Variants in SP110 observed in about 807,000 individuals in gnomAD.
SP110 encodes the protein interferon-induced protein 41, 30kD.
A neutral mutation model predicts 92.7 loss-of-function variants in SP110; 62 were observed. The ratio of observed to expected loss-of-function variants is 0.67; its 90% CI spans 0.55 to 0.83. The LOEUF is 0.83. SP110 is among the 40% of genes least tolerant of loss of function. The probability of loss-of-function intolerance (pLI) is 0.00; values close to 1 mark genes in which losing one functional copy is unlikely to be tolerated. For synonymous variants in SP110, 273 were observed against 305.3 expected (o/e 0.89, Z 1.10); for missense variants, 793 against 863.9 (o/e 0.92, Z 1.03).
chr2:230,209,790 A>T (rs2044268907), intron 7 of SP110, 141 bp downstream of exon 7: 25 of 710,238 alleles, frequency 3.5e-5, no homozygotes, highest in South Asian at 3.2e-4. Context: ...AGATGCAGCA[A>T]ATGGAAACTG....
At position 230,219,363 on chromosome 2, in the gene SP110, A is replaced by C. The variant is rs186519545; in HGVS notation, c.-2+511T>G. ...TGAGTGGGAAGGTCAACAGGTCCAA[A>C]TGTTCTGAAGGCTGATTTAGTAATC... On this transcript the variant is annotated intron_variant, in intron 1 of 18. Transcript: ENST00000258381. 3.3e-5 allele frequency among the ~76,000 whole-genome samples: 5 copies of C among 152,366 alleles called. No individual in the cohort carries two copies. The East Asian group carries it at 7.7e-4, about 23-fold the overall frequency.
At chr2:230,173,692 G>A (rs1234991048) in intron 14 of SP110, 2 of 151,532 alleles carry the variant, frequency 1.3e-5, no homozygotes, top group Non-Finnish European at 2.9e-5. Flanking sequence ...TCTTAGGCTT[G>A]GAAAGAATGA....
Position 230,170,564 on chromosome 2 carries a change from C to T in SP110, c.2028+57G>A, listed in dbSNP as rs1324087749. ...GTAATACTTGCAAAATTCTGCTGTC[C>T]CAGAAATTAGGGGAAAGTAGAAAAG... On this transcript the variant is annotated intron_variant, in intron 18 of 18. Coordinates refer to ENST00000258381, the MANE Select transcript of SP110 (RefSeq NM_080424.4). 3.7e-6 allele frequency: 6 copies of T among 1,603,898 alleles called. No individual in the cohort carries two copies. The East Asian group carries it at 1.1e-4, about 30-fold the overall frequency.
upstream of SP110, among the ~76,000 whole-genome samples, chr2:230,222,525 C>T (rs762877236): frequency 1.3e-5 from 2 of 152,046 alleles, no homozygotes; most frequent in Non-Finnish European, 2.9e-5. Context: ...TTGAGACCAG[C>T]CTGGACAACA....
In SP110 at chr2:230,165,583, A is replaced by C. The variant is rs2078299151; in HGVS notation, c.*3541T>G. ...AGAATAAACATTATAGAGTAAAAGC[A>C]AAAAAATTAATACTAATTCATGTCT... On this transcript the variant is annotated 3_prime_UTR_variant, in exon 19 of 19. Coordinates refer to ENST00000258381, the MANE Select transcript of SP110 (RefSeq NM_080424.4). Among the ~76,000 whole-genome samples the C allele has an allele frequency of 1.3e-5, 2 of 151,272 alleles. No homozygotes were observed. Among genetic ancestry groups the C allele is most frequent in the Admixed American group, 1.3e-4 (2 of 15,278 alleles).
At chr2:230,173,164 G>A (rs142985740) in intron 14 of SP110, 488 of 546,798 alleles carry the variant, frequency 8.9e-4, no homozygotes, top group African/African-American at 8.2e-3. Context: ...GGTGACCGCC[G>A]CCACCAGGAC....
At chr2:230,220,042 G>A (rs1574819039), upstream of SP110, 2 of 985,564 alleles carry the variant, frequency 2.0e-6, no homozygotes, top group Non-Finnish European at 1.2e-6. Flanking sequence ...GAAAGTTTTC[G>A]GAGTTTGCCA....
In SP110 at chr2:230,211,759, T is replaced by A. The variant is rs1179173487; in HGVS notation, c.668-206A>T. Among the ~76,000 whole-genome samples, 2 of 152,172 alleles carry A rather than the reference T, an allele frequency of 1.3e-5. No homozygotes were observed. Among genetic ancestry groups the A allele is most frequent in the Admixed American group, 1.3e-4 (2 of 15,286 alleles). On this transcript the variant is annotated intron_variant, in intron 5 of 18. Transcript: ENST00000258381. This position sits in a 1 kb window ranked among gnomAD's most constrained non-coding sequence, Gnocchi z 4.2. ...TCTTCCATTGCTGTTAGCTTCCTGA[T>A]TATGTTAACCTTTTTGGATGGTAGG... is the stretch of plus-strand genomic sequence containing the variant.
At chr2:230,220,936 C>G (rs2045760189), upstream of SP110, among the ~76,000 whole-genome samples, 1 of 152,016 alleles carries the variant, frequency 6.6e-6, no homozygotes, top group African/African-American at 2.4e-5. Flanking sequence ...TGCTTGAGCC[C>G]AGGAGTTCAA....
rs1015216068 is a variant in SP110, at chr2:230,207,535, T to C, written c.898+456A>G. On this transcript the variant is annotated intron_variant, in intron 8 of 18. Coordinates refer to ENST00000258381, the MANE Select transcript of SP110 (RefSeq NM_080424.4). ...AACCTCTAAAGGAACAGGTCAATAATTGAACTCTAAGAGTTATCCCCCAAT... is the reference window on the plus strand; with the variant it reads ...AACCTCTAAAGGAACAGGTCAATAACTGAACTCTAAGAGTTATCCCCCAAT... 5.3e-5 allele frequency among the ~76,000 whole-genome samples: 8 copies of C among 152,324 alleles called. No individual in the cohort carries two copies. In the South Asian group the frequency reaches 6.2e-4, roughly 12 times the overall value.
rs529458881 is a variant in SP110 at position 230,190,344 on chromosome 2, A to C, written c.1130-4201T>G. On this transcript the variant is annotated intron_variant, in intron 10 of 18. Transcript: ENST00000258381. ...TTTCCATATGTTTGTTGGCTACGTAAATTTTTTTTTTTTTGAGAAGTGTCT... is the reference window on the plus strand; with the variant it reads ...TTTCCATATGTTTGTTGGCTACGTACATTTTTTTTTTTTTGAGAAGTGTCT... 4.7e-3 allele frequency among the ~76,000 whole-genome samples: 183 copies of C among 39,090 alleles called. 1 individual carries two copies. The highest frequency in any genetic ancestry group is 8.1e-3 in the South Asian group (6 of 744). The allele number at this position is 39,090 out of a possible 152,430, so 25.6% of individuals were successfully genotyped here.
Position 230,212,794 on chromosome 2 carries a change from G to A in SP110, c.550C>T (p.Pro184Ser), listed in dbSNP as rs750052870. 6.8e-6 allele frequency: 11 copies of A among 1,614,178 alleles called. No homozygotes were observed. In the East Asian group the frequency reaches 2.2e-4, roughly 33 times the overall value. The change falls in exon 4 of 19, where the codon CCT becomes TCT. Residue 184 changes from proline (P) to serine (S), a missense_variant. Physicochemically the swap from Pro to Ser is moderately conservative, Grantham distance 74. Transcript: ENST00000258381. ...CTTCTTCCTTCCTGGATGAGTGCAG[G>A]GAGAGGCAGGACAGGGTCAGATGGG... ...PSPSDPVLPL[P>S]ALIQEGRSTS...
chr2:230,223,246 A>C (rs2045970803), upstream of SP110, among the ~76,000 whole-genome samples: 1 of 152,130 alleles, frequency 6.6e-6, no homozygotes, highest in Non-Finnish European at 1.5e-5. Flanking sequence ...CATGTTGGCC[A>C]GGATGGTCTT....
chr2:230,224,060 A>G (rs1299463370), upstream of SP110, among the ~76,000 whole-genome samples: 1 of 152,212 alleles, frequency 6.6e-6, no homozygotes, highest in Non-Finnish European at 1.5e-5. Flanking sequence ...ATAGGGAAAA[A>G]CAAGATAGTG....
At chr2:230,185,962 A>G in intron 11 of SP110, 32 bp downstream of exon 11, 2 of 1,605,586 alleles carry the variant, frequency 1.2e-6, no homozygotes, top group South Asian at 1.1e-5. Flanking sequence ...ACATTGAGCT[A>G]TTCAAATAGC....
chr2:230,212,128 G>A (rs967558801), intron 5 of SP110, among the ~76,000 whole-genome samples: 2 of 152,230 alleles, frequency 1.3e-5, no homozygotes, highest in African/African-American at 2.4e-5. Context: ...GGTCACTAGT[G>A]TGAGTGTTAC....
intron 10 of SP110, among the ~76,000 whole-genome samples, chr2:230,193,296 T>C (rs2042719007): frequency 6.6e-6 from 1 of 152,210 alleles, no homozygotes; most frequent in Admixed American, 6.5e-5. Context: ...TTTGTGATTT[T>C]GTATCCATTC....
At position 230,211,506 on chromosome 2, in the gene SP110, G is replaced by A; in HGVS notation, c.715C>T (p.Gln239Ter). Residue 239 changes from glutamine (Q) to a stop codon, truncating the protein, a stop_gained, in exon 6 of 19, where the codon CAA becomes TAA. Coordinates refer to ENST00000258381, the MANE Select transcript of SP110 (RefSeq NM_080424.4). LOFTEE classifies it high-confidence loss of function. This position sits in a 1 kb window ranked among gnomAD's most constrained non-coding sequence, Gnocchi z 4.2. The stretch of plus-strand genomic sequence containing the variant: ...CCCAAGGGAGAGTGGGGCATCTCTT[G>A]AGGGTCTTCTTTATCTCTTATTTGG... ...IPQIRDKEDPQEMPHSPLGSM... is the reference protein window; with the variant it reads ...IPQIRDKEDP 1 of 1,611,910 alleles carries A rather than the reference G, an allele frequency of 6.2e-7. No homozygotes were observed. The highest frequency in any genetic ancestry group is 8.5e-7 in the Non-Finnish European group (1 of 1,177,980).
chr2:230,210,246 T>A (rs1401965051), intron 6 of SP110, among the ~76,000 whole-genome samples: 3 of 152,152 alleles, frequency 2.0e-5, no homozygotes, highest in Admixed American at 2.0e-4. Context: ...CTCAGTCTGA[T>A]CCTTTTAGAG....
Sources: allele counts gnomAD v4.1 joint callset (sites outside exome capture counted in the v4.1 genomes callset), GRCh38; gene constraint gnomAD v4.1.1; non-coding constraint Gnocchi (gnomAD v3.1); transcripts MANE v1.5; gene names NCBI Gene and HGNC (gene_info 2026-07-23, HGNC 2026-07-21).